The following FAM193A variants were observed in gnomAD, a reference collection of about 807,000 sequenced individuals.
FAM193A encodes protein FAM193A.
Under a neutral mutation model 126.5 loss-of-function variants are expected in FAM193A, and 22 were observed. That is an observed-to-expected ratio of 0.17 (90% CI 0.12 to 0.25). The LOEUF is 0.25. Among genes scored for constraint, FAM193A ranks in the 10% least tolerant of loss-of-function variants. The pLI, the probability that FAM193A is intolerant of heterozygous loss-of-function variation, is 1.00. For missense variants in FAM193A, 1,675 were observed against 1,672.8 expected (o/e 1.00, Z -0.02); for synonymous variants, 761 against 646.8 (o/e 1.18, Z -2.68).
intron 6 of FAM193A, among the ~76,000 whole-genome samples, chr4:2,642,587 G>A (rs1466127906): frequency 6.6e-6 from 1 of 152,022 alleles, no homozygotes; most frequent in Non-Finnish European, 1.5e-5. Flanking sequence ...GAGAAGATAT[G>A]CATCTTGGGA....
At chr4:2,687,501 A>G (rs1222158889) in intron 13 of FAM193A, among the ~76,000 whole-genome samples, 1 of 152,180 alleles carries the variant, frequency 6.6e-6, no homozygotes, top group East Asian at 1.9e-4. Context: ...CCAGAGCCCA[A>G]AGGCCAAGAC....
intron 2 of FAM193A, among the ~76,000 whole-genome samples, chr4:2,598,031 A>C (rs1400583691): frequency 6.6e-6 from 1 of 151,966 alleles, no homozygotes; most frequent in Non-Finnish European, 1.5e-5. Context: ...CAGCCTCCCC[A>C]GTAGCTGGGA....
upstream of FAM193A, among the ~76,000 whole-genome samples, chr4:2,536,185 A>G (rs1300836083): frequency 6.6e-6 from 1 of 150,772 alleles, no homozygotes; most frequent in African/African-American, 2.4e-5. Context: ...GCGGGCGGGC[A>G]GCGGACACCG....
chr4:2,640,009 G>A (rs1377034518), intron 6 of FAM193A, 150 bp downstream of exon 6: 1 of 690,764 alleles, frequency 1.4e-6, no homozygotes, highest in Admixed American at 3.3e-5. Flanking sequence ...TGGGCCAAAA[G>A]CTCAAAACCT....
At chr4:2,593,984 G>A (rs1740710199) in intron 1 of FAM193A, among the ~76,000 whole-genome samples, 1 of 152,010 alleles carries the variant, frequency 6.6e-6, no homozygotes, top group Non-Finnish European at 1.5e-5. Flanking sequence ...AGGACACTGT[G>A]GGGAGGTAGG....
At chr4:2,656,382 A>T (rs77341558) in intron 7 of FAM193A, among the ~76,000 whole-genome samples, 4,737 of 152,210 alleles carry the variant, frequency 0.031, 227 homozygotes, top group African/African-American at 0.11. Flanking sequence ...TTCTCCCTCG[A>T]GTCAGTTTTA....
chr4:2,557,043 G>A (rs1248902970), intron 1 of FAM193A, among the ~76,000 whole-genome samples: 1 of 152,186 alleles, frequency 6.6e-6, no homozygotes, highest in African/African-American at 2.4e-5. Flanking sequence ...TGAAATTGCA[G>A]ATAATACTCA....
chr4:2,603,451 A>ATT (rs71178489), intron 2 of FAM193A, among the ~76,000 whole-genome samples: 191 of 99,250 alleles, frequency 1.9e-3, no homozygotes, highest in African/African-American at 2.6e-3. Context: ...CGCCCAGCTA[A>ATT]TTTTTTTTTT....
intron 1 of FAM193A, among the ~76,000 whole-genome samples, chr4:2,551,144 A>G (rs760718336): frequency 7.2e-5 from 11 of 152,108 alleles, no homozygotes; most frequent in Non-Finnish European, 1.0e-4. Flanking sequence ...TTTATTAAGC[A>G]TTATTGGTCT....
chr4:2,598,350 C>T (rs1281034520), intron 2 of FAM193A, among the ~76,000 whole-genome samples: 1 of 152,182 alleles, frequency 6.6e-6, no homozygotes, highest in Non-Finnish European at 1.5e-5. Flanking sequence ...TTTATGCATT[C>T]ACCAATTAAT....
In FAM193A at chr4:2,592,687, G is replaced by A. The variant is rs955404239; in HGVS notation, c.256-3397G>A. Among the ~76,000 whole-genome samples, 15 of 152,190 alleles carry A rather than the reference G, an allele frequency of 9.9e-5. 1 individual carries two copies. Among genetic ancestry groups the A allele is most frequent in the Admixed American group, 2.6e-4 (4 of 15,288 alleles). On this transcript the variant is annotated intron_variant, in intron 1 of 20. Transcript: ENST00000637812. ...TCTGAGGATCTCCTTGATTGAGGAG[G>A]CTGAGTTGAGACTTTGGGGAGGCCA...
Position 2,662,828 on chromosome 4 carries a change from C to A in FAM193A, c.1746-10C>A. On this transcript the variant is annotated splice_polypyrimidine_tract_variant and intron_variant, in intron 10 of 20. Transcript: ENST00000637812. ...AATGACCTCACAGTGACCATCTCTG[C>A]TTGTGTCAGTTGTAGTGATGATGAA... The A allele has an allele frequency of 6.2e-7, 1 of 1,602,002 alleles. No homozygotes were observed. Among genetic ancestry groups the A allele is most frequent in the Non-Finnish European group, 8.5e-7 (1 of 1,170,016 alleles).
chr4:2,712,778 G>T (rs372996761), intron 19 of FAM193A, among the ~76,000 whole-genome samples: 1 of 151,898 alleles, frequency 6.6e-6, no homozygotes, highest in Non-Finnish European at 1.5e-5. Context: ...TTTAAAATGT[G>T]TTGTGGGGTT....
At chr4:2,668,050 A>G (rs572534729) in intron 12 of FAM193A, among the ~76,000 whole-genome samples, 40 of 151,860 alleles carry the variant, frequency 2.6e-4, no homozygotes, top group Non-Finnish European at 5.9e-4. Flanking sequence ...GACTATAGGC[A>G]TGTGCCGCCA....
chr4:2,549,492 G>C (rs1389029133), intron 1 of FAM193A, among the ~76,000 whole-genome samples: 2 of 142,406 alleles, frequency 1.4e-5, no homozygotes, highest in African/African-American at 5.1e-5. Flanking sequence ...CGCCTCCCGG[G>C]TTCACGCCAT....
chr4:2,656,145 A>T (rs899360921), intron 7 of FAM193A, among the ~76,000 whole-genome samples: 1 of 152,088 alleles, frequency 6.6e-6, no homozygotes, highest in Non-Finnish European at 1.5e-5. Context: ...TTGAGGTCTT[A>T]CTTGTTTTGT....
intron 5 of FAM193A, among the ~76,000 whole-genome samples, chr4:2,632,971 C>T (rs1317856837): frequency 2.0e-5 from 3 of 152,194 alleles, no homozygotes; most frequent in Non-Finnish European, 4.4e-5. Context: ...TGTTGCTGCT[C>T]TCCAGAAAAT....
chr4:2,616,739 A>G (rs1180078875), intron 2 of FAM193A, among the ~76,000 whole-genome samples: 1 of 151,518 alleles, frequency 6.6e-6, no homozygotes, highest in South Asian at 2.1e-4. Context: ...TTGTTTTTGT[A>G]TTTTTAGTAG....
chr4:2,649,662 C>T (rs1043935393), intron 7 of FAM193A, among the ~76,000 whole-genome samples: 1 of 151,908 alleles, frequency 6.6e-6, no homozygotes, highest in South Asian at 2.1e-4. Context: ...ACAGTGAGAC[C>T]CTATCTCAAA....
Sources: gnomAD v4.1 joint callset for allele counts (sites outside exome capture counted in the v4.1 genomes callset) on GRCh38, gnomAD v4.1.1 for gene constraint, MANE v1.5 for transcripts, NCBI Gene and HGNC (gene_info 2026-07-23, HGNC 2026-07-21) for gene names.